ERBB4: variants seen among roughly 807,000 people sequenced by gnomAD.
The protein encoded by ERBB4 is receptor tyrosine-protein kinase erbB-4.
In ERBB4, 42 loss-of-function variants were observed where a neutral mutation model predicts 158.0. The observed-to-expected ratio is 0.27, with a 90% confidence interval of 0.21 to 0.34. The LOEUF (loss-of-function observed/expected upper bound fraction) is 0.34. Ranked by LOEUF, ERBB4 falls within the 10% of genes least tolerant of loss-of-function variation. The pLI, the probability that ERBB4 is intolerant of heterozygous loss-of-function variation, is 1.00. For synonymous variants in ERBB4, 583 were observed against 558.7 expected (o/e 1.04, Z -0.61); for missense variants, 1,333 against 1,624.1 (o/e 0.82, Z 3.08).
At chr2:211,562,155 T>A in intron 19 of ERBB4, 67 bp from the exon 20 acceptor site, 1 of 1,339,718 alleles carries the variant, frequency 7.5e-7, no homozygotes, top group Admixed American at 1.7e-5. Context: ...TTACTTGGAT[T>A]GTACTAATGG....
chr2:211,696,000 C>CCCTT (rs962214002), intron 12 of ERBB4, among the ~76,000 whole-genome samples: 1 of 148,340 alleles, frequency 6.7e-6, no homozygotes, highest in South Asian at 2.2e-4. Flanking sequence ...TCCTTCCCTT[C>CCCTT]CCTTCCTTCC....
intron 4 of ERBB4, among the ~76,000 whole-genome samples, chr2:211,782,513 A>T (rs186919169): frequency 6.6e-6 from 1 of 152,292 alleles, no homozygotes; most frequent in East Asian, 1.9e-4. Flanking sequence ...GGCATAGATG[A>T]CTTGCTTAAG....
intron 3 of ERBB4, among the ~76,000 whole-genome samples, chr2:211,924,549 A>G (rs1384544207): frequency 1.3e-5 from 2 of 152,206 alleles, no homozygotes; most frequent in South Asian, 4.1e-4. Context: ...AGAGTGTTAG[A>G]TACACGTCAA....
chr2:212,008,468 T>G (rs1390135090), intron 2 of ERBB4, among the ~76,000 whole-genome samples: 1 of 152,110 alleles, frequency 6.6e-6, no homozygotes, highest in Non-Finnish European at 1.5e-5. Context: ...CTTGATGAAC[T>G]CCTAGTAGGT....
rs370650928 is a variant in ERBB4 at position 212,517,488 on chromosome 2, C to G, written c.82+20961G>C. Among the ~76,000 whole-genome samples the G allele has an allele frequency of 7.7e-4, 117 of 152,074 alleles. 1 individual carries two copies. In the South Asian group the frequency reaches 0.024, roughly 31 times the overall value. ...CACACCATTATTATCAATGATTATC[C>G]CAATACTTAGAGTACAAGGGTTATT... On this transcript the variant is annotated intron_variant, in intron 1 of 27. Transcript: ENST00000342788.
At chr2:211,557,731 CA>C (rs1238447064) in intron 20 of ERBB4, among the ~76,000 whole-genome samples, 1 of 152,064 alleles carries the variant, frequency 6.6e-6, no homozygotes, top group African/African-American at 2.4e-5. Flanking sequence ...GAGCTAAAAA[CA>C]AAAGTACCAT....
intron 1 of ERBB4, among the ~76,000 whole-genome samples, chr2:212,440,371 C>T (rs1380657224): frequency 6.6e-6 from 1 of 152,174 alleles, no homozygotes; most frequent in Non-Finnish European, 1.5e-5. Context: ...ATGCTGGATG[C>T]TTCCTGCCCT....
At chr2:212,315,757 A>T (rs1221168711) in intron 1 of ERBB4, among the ~76,000 whole-genome samples, 1 of 151,488 alleles carries the variant, frequency 6.6e-6, no homozygotes, top group Non-Finnish European at 1.5e-5. Context: ...GATTCCGGGC[A>T]TTTTGTTAAT....
chr2:212,132,849 T>C (rs141653583), intron 1 of ERBB4, among the ~76,000 whole-genome samples: 8 of 152,262 alleles, frequency 5.3e-5, no homozygotes, highest in African/African-American at 1.9e-4. Context: ...TATCTGTGCA[T>C]TCCATGGCCC....
At chr2:212,180,789 A>T (rs958652918) in intron 1 of ERBB4, among the ~76,000 whole-genome samples, 1 of 151,716 alleles carries the variant, frequency 6.6e-6, no homozygotes, top group African/African-American at 2.4e-5. Context: ...TTGCAAATTC[A>T]ACTGTATGTT....
At chr2:211,735,054 C>T (rs1241701094) in intron 5 of ERBB4, among the ~76,000 whole-genome samples, 1 of 151,538 alleles carries the variant, frequency 6.6e-6, no homozygotes, top group Non-Finnish European at 1.5e-5. Flanking sequence ...AACAAAATCC[C>T]ACAACTTTTA....
At chr2:212,149,105 T>G (rs1424397126) in intron 1 of ERBB4, among the ~76,000 whole-genome samples, 1 of 150,100 alleles carries the variant, frequency 6.7e-6, no homozygotes, top group Non-Finnish European at 1.5e-5. Context: ...GCATGGCACA[T>G]GTATACATAT....
In ERBB4 at chr2:211,417,089, G is replaced by C. The variant is rs546099884; in HGVS notation, c.3135+3352C>G. Among the ~76,000 whole-genome samples the C allele has an allele frequency of 1.8e-3, 276 of 152,168 alleles. 1 individual carries two copies. Among genetic ancestry groups the C allele is most frequent in the South Asian group, 3.3e-3 (16 of 4,816 alleles). ...TTTAAATCCCCATTTTACAGATATA[G>C]AGCACGGTTTGCAGAAGTTAAATAG... is the stretch of plus-strand genomic sequence containing the variant. On this transcript the variant is annotated intron_variant, in intron 25 of 27. Transcript: ENST00000342788.
At chr2:211,913,600 CAAAA>C (rs57968077) in intron 3 of ERBB4, among the ~76,000 whole-genome samples, 2 of 138,228 alleles carry the variant, frequency 1.4e-5, no homozygotes, top group Admixed American at 7.4e-5. Flanking sequence ...GACTCTATTT[CAAAA>C]AAATATATAT....
chr2:211,697,730 T>C (rs2073077540), intron 12 of ERBB4, among the ~76,000 whole-genome samples: 1 of 152,172 alleles, frequency 6.6e-6, no homozygotes, highest in African/African-American at 2.4e-5. Context: ...TGATATCCAG[T>C]GATTTAAAAC....
At chr2:212,187,770 G>C (rs1315287729) in intron 1 of ERBB4, among the ~76,000 whole-genome samples, 6 of 152,026 alleles carry the variant, frequency 3.9e-5, no homozygotes, top group Non-Finnish European at 8.8e-5. Context: ...TAGAGGGTAG[G>C]AAATAATGAT....
chr2:212,003,221 G>GA (rs2076176794), intron 2 of ERBB4, among the ~76,000 whole-genome samples: 1 of 59,278 alleles, frequency 1.7e-5, no homozygotes, highest in African/African-American at 4.2e-5. Context: ...AAGAAGGAAG[G>GA]AAGGAAGGAA....
At chr2:212,472,413 G>T (rs1407796740) in intron 1 of ERBB4, among the ~76,000 whole-genome samples, 1 of 151,704 alleles carries the variant, frequency 6.6e-6, no homozygotes, top group Non-Finnish European at 1.5e-5. Context: ...GAATCCAGAT[G>T]TACGTGGCTC....
At chr2:211,862,961 C>G (rs1017788009) in intron 3 of ERBB4, among the ~76,000 whole-genome samples, 2 of 152,044 alleles carry the variant, frequency 1.3e-5, no homozygotes, top group Non-Finnish European at 2.9e-5. Context: ...TAAAAATGCA[C>G]CAATCAGCAC....
Sources: gnomAD v4.1 joint callset for allele counts (sites outside exome capture counted in the v4.1 genomes callset) on GRCh38, gnomAD v4.1.1 for gene constraint, MANE v1.5 for transcripts, NCBI Gene and HGNC (gene_info 2026-07-23, HGNC 2026-07-21) for gene names.